The following MGST1 variants were observed in gnomAD, a reference collection of about 807,000 sequenced individuals.
MGST1 encodes the protein glutathione S-transferase 12.
A neutral mutation model predicts 8.9 loss-of-function variants in MGST1; 5 were observed. The observed-to-expected ratio is 0.56, with a 90% CI of 0.29 to 1.19. MGST1 has a LOEUF of 1.19. Ranked by LOEUF, MGST1 falls within the 50% of genes most tolerant of loss-of-function variation. The pLI, the probability that MGST1 is intolerant of heterozygous loss-of-function variation, is 0.08. For missense variants in MGST1, 182 were observed against 187.4 expected, an observed-to-expected ratio of 0.97 and a Z score of 0.17; for synonymous variants, 54 against 67.8, an observed-to-expected ratio of 0.80 and a Z score of 1.00.
At position 16,584,588 on chromosome 12, in the gene MGST1, G is replaced by A. The variant is rs537273418; in HGVS notation, n.483-4940G>A. On this transcript the variant is annotated intron_variant and non_coding_transcript_variant, in intron 4 of 4. Transcript: ENST00000538857. This position sits in a 1 kb window ranked among gnomAD's most constrained non-coding sequence, Gnocchi z 5.2. ...TTAACATTGGCAAGTGGAGGAGTGG[G>A]GGGGGTAAGAGGCCTGTTTAGAGGT... is the stretch of plus-strand genomic sequence containing the variant. 6.6e-6 allele frequency among the ~76,000 whole-genome samples: 1 copy of A among 152,146 alleles called. No homozygotes were observed. The highest frequency in any genetic ancestry group is 2.1e-4 in the South Asian group (1 of 4,820).
At chr12:16,367,742 G>A (rs1053750616), downstream of MGST1, among the ~76,000 whole-genome samples, 1 of 152,148 alleles carries the variant, frequency 6.6e-6, no homozygotes, top group African/African-American at 2.4e-5. Context: ...TCTCTCTTCA[G>A]TGAAACTTAA....
chr12:16,420,231 T>G (rs1182028484), intron 1 of MGST1, among the ~76,000 whole-genome samples: 1 of 151,826 alleles, frequency 6.6e-6, no homozygotes, highest in Non-Finnish European at 1.5e-5. Flanking sequence ...GATCACATCA[T>G]CAAGATGCCC....
intron 4 of MGST1, among the ~76,000 whole-genome samples, chr12:16,571,522 A>T (rs1942812080): frequency 6.6e-6 from 1 of 151,976 alleles, no homozygotes; most frequent in Non-Finnish European, 1.5e-5. Flanking sequence ...ATATGTCACC[A>T]TTTTTCTAGG....
intron 1 of MGST1, among the ~76,000 whole-genome samples, chr12:16,431,397 C>T (rs1033705089): frequency 5.3e-5 from 8 of 152,078 alleles, no homozygotes; most frequent in African/African-American, 1.7e-4. Flanking sequence ...TTCCATATGC[C>T]TTCCTCACTG....
intron 1 of MGST1, among the ~76,000 whole-genome samples, chr12:16,436,618 TAAC>T (rs1414756611): frequency 3.9e-5 from 6 of 152,102 alleles, no homozygotes; most frequent in South Asian, 2.1e-4. Context: ...AAGATAATGA[TAAC>T]AATTATTATT....
chr12:16,399,832 C>G, intron 1 of MGST1: 1 of 1,225,182 alleles, frequency 8.2e-7, no homozygotes, highest in Non-Finnish European at 1.2e-6. Context: ...TGGTCACTTT[C>G]TTGCTGTAGT....
At position 16,516,121 on chromosome 12, in the gene MGST1, A is replaced by G. The variant is rs138860099; in HGVS notation, n.483-73407A>G. On this transcript the variant is annotated intron_variant and non_coding_transcript_variant, in intron 4 of 4. Transcript: ENST00000538857. ...TAGTTCCTAACCAGACTTGGGTTGT[A>G]TGCCCATGCTGACTCAATCAGTTCT... 1.2e-4 allele frequency among the ~76,000 whole-genome samples: 19 copies of G among 152,278 alleles called. No homozygotes were observed. The East Asian group carries it at 2.5e-3, about 20-fold the overall frequency.
rs1002910734 is a variant in MGST1 at position 16,479,654 on chromosome 12, C to T, written n.482+96050C>T. 4.6e-5 allele frequency among the ~76,000 whole-genome samples: 7 copies of T among 151,784 alleles called. No homozygotes were observed. In the East Asian group the frequency reaches 9.7e-4, roughly 21 times the overall value. ...GCTCAAGCCATCCTCCCACCTCAGCCTCCTGAGGGGCTGGGACTACAGGTG... is the reference window on the plus strand; with the variant it reads ...GCTCAAGCCATCCTCCCACCTCAGCTTCCTGAGGGGCTGGGACTACAGGTG... On this transcript the variant is annotated intron_variant and non_coding_transcript_variant, in intron 4 of 4. Transcript: ENST00000538857.
chr12:16,480,436 C>G (rs575910420), intron 4 of MGST1, among the ~76,000 whole-genome samples: 1 of 152,010 alleles, frequency 6.6e-6, no homozygotes, highest in Non-Finnish European at 1.5e-5. Context: ...CCACCGTGGT[C>G]GGCCAGAAAT....
At chr12:16,402,503 G>T in intron 1 of MGST1, 2 of 1,201,246 alleles carry the variant, frequency 1.7e-6, no homozygotes, top group Non-Finnish European at 1.2e-6. Flanking sequence ...CAGGAATCCC[G>T]CACTCTTATT....
chr12:16,452,959 C>T (rs1447746747), intron 4 of MGST1, among the ~76,000 whole-genome samples: 2 of 151,894 alleles, frequency 1.3e-5, no homozygotes, highest in African/African-American at 2.4e-5. Flanking sequence ...GGTTGTTTTT[C>T]AGGCATTGGC....
exon 2 of MGST1, chr12:16,438,371 T>A (rs1248434600): frequency 6.6e-6 from 1 of 151,916 alleles, no homozygotes; most frequent in Non-Finnish European, 1.5e-5. Flanking sequence ...CAAAGAACGA[T>A]GTTTGATGTT....
At chr12:16,529,475 A>G (rs919555684) in intron 4 of MGST1, among the ~76,000 whole-genome samples, 6 of 152,100 alleles carry the variant, frequency 3.9e-5, no homozygotes, top group Non-Finnish European at 7.4e-5. Flanking sequence ...ATCTGGGAGT[A>G]CCTGGCACAC....
At chr12:16,579,263 A>G (rs1943088208) in intron 4 of MGST1, among the ~76,000 whole-genome samples, 2 of 152,234 alleles carry the variant, frequency 1.3e-5, no homozygotes, top group South Asian at 2.1e-4. Flanking sequence ...GAATTAGGAA[A>G]CCAAGAACAA....
At chr12:16,399,137 TA>T in intron 1 of MGST1, 2 of 839,382 alleles carry the variant, frequency 2.4e-6, no homozygotes, top group Non-Finnish European at 3.8e-6. Flanking sequence ...TTGGTCCACA[TA>T]AATGGCCCCC....
chr12:16,445,916 C>T (rs1228247143), intron 4 of MGST1, among the ~76,000 whole-genome samples: 2 of 152,038 alleles, frequency 1.3e-5, no homozygotes, highest in East Asian at 3.9e-4. Flanking sequence ...GTATTAGTTT[C>T]AGATCTTTCT....
chr12:16,410,777 C>T lies in MGST1; in HGVS notation n.779-26611C>T, dbSNP rs1484817259. 1.3e-5 allele frequency among the ~76,000 whole-genome samples: 2 copies of T among 150,916 alleles called. No homozygotes were observed. Among genetic ancestry groups the T allele is most frequent in the African/African-American group, 4.9e-5 (2 of 41,130 alleles). On this transcript the variant is annotated intron_variant and non_coding_transcript_variant, in intron 1 of 1. Transcript: ENST00000359720. This position sits in a 1 kb window ranked among gnomAD's most constrained non-coding sequence, Gnocchi z 4.4. ...TATATATATTTGATTATGTCATCTCCCCATATCCCAAACCCTTCACCAGCT... is the reference window on the plus strand; with the variant it reads ...TATATATATTTGATTATGTCATCTCTCCATATCCCAAACCCTTCACCAGCT...
chr12:16,580,862 G>C (rs760333178), intron 4 of MGST1, among the ~76,000 whole-genome samples: 18 of 152,106 alleles, frequency 1.2e-4, no homozygotes, highest in Non-Finnish European at 2.4e-4. Context: ...ATTATACAAA[G>C]AAACAGAATT....
At chr12:16,449,568 T>C (rs1454981536) in intron 4 of MGST1, among the ~76,000 whole-genome samples, 2 of 151,930 alleles carry the variant, frequency 1.3e-5, no homozygotes, top group African/African-American at 2.4e-5. Flanking sequence ...GAAAAATCCA[T>C]GGCCATCTGC....
Sources: gnomAD v4.1 joint callset for allele counts (sites outside exome capture counted in the v4.1 genomes callset) on GRCh38, gnomAD v4.1.1 for gene constraint, Gnocchi (gnomAD v3.1) non-coding constraint, MANE v1.5 for transcripts, NCBI Gene and HGNC (gene_info 2026-07-23, HGNC 2026-07-21) for gene names.